Variants in KCNB2 observed in about 807,000 individuals in gnomAD.
KCNB2 encodes the protein potassium voltage-gated channel subfamily B member 2.
A neutral mutation model predicts 61.5 loss-of-function variants in KCNB2; 15 were observed. The ratio of observed to expected loss-of-function variants is 0.24; its 90% confidence interval spans 0.16 to 0.38. The LOEUF (loss-of-function observed/expected upper bound fraction) is 0.38. KCNB2 is among the 10% of genes least tolerant of loss of function. The probability of loss-of-function intolerance (pLI) is 1.00; values close to 1 mark genes in which losing one functional copy is unlikely to be tolerated. For missense variants in KCNB2, 828 were observed against 1,125.2 expected (o/e 0.74, Z 3.78); for synonymous variants, 457 against 446.0 (o/e 1.02, Z -0.31).
intron 2 of KCNB2, among the ~76,000 whole-genome samples, chr8:72,682,998 G>T (rs1373231570): frequency 6.6e-6 from 1 of 152,158 alleles, no homozygotes; most frequent in East Asian, 1.9e-4. Flanking sequence ...AAGTTGTTTT[G>T]TGTTCTTGTT....
chr8:72,730,337 T>C (rs1225735265), intron 2 of KCNB2, among the ~76,000 whole-genome samples: 1 of 152,224 alleles, frequency 6.6e-6, no homozygotes, highest in Admixed American at 6.5e-5. Context: ...CCTGGATATC[T>C]AAAAGAGCCT....
At position 72,653,648 on chromosome 8, in the gene KCNB2, T is replaced by G. The variant is rs144519310; in HGVS notation, c.579+85335T>G. On this transcript the variant is annotated intron_variant, in intron 2 of 2. Coordinates refer to ENST00000523207, the MANE Select transcript of KCNB2 (RefSeq NM_004770.3). ...GACCTGCCGCTTGTTTCTATGAAGT[T>G]TGATTGGAGTACAGCCAAGCCCATA... Among the ~76,000 whole-genome samples the G allele has an allele frequency of 7.6e-3, 1,155 of 152,244 alleles. 8 individuals carry two copies. The highest frequency in any genetic ancestry group is 0.011 in the Non-Finnish European group (741 of 68,008).
At chr8:72,585,166 T>G (rs1429194320) in intron 2 of KCNB2, among the ~76,000 whole-genome samples, 1 of 152,036 alleles carries the variant, frequency 6.6e-6, no homozygotes, top group Non-Finnish European at 1.5e-5. Context: ...AATAAGGGGT[T>G]TTTTTTTGTT....
chr8:72,827,279 G>A (rs982178334), intron 2 of KCNB2, among the ~76,000 whole-genome samples: 1 of 152,078 alleles, frequency 6.6e-6, no homozygotes, highest in Admixed American at 6.6e-5. Context: ...AAGTCAATAT[G>A]ACATTGAGAT....
chr8:72,836,964 G>A (rs1404412141), intron 2 of KCNB2, among the ~76,000 whole-genome samples: 2 of 152,080 alleles, frequency 1.3e-5, no homozygotes, highest in South Asian at 2.1e-4. Context: ...TTTTGTGCAG[G>A]TACTTCAAAT....
At chr8:72,678,267 A>G (rs1315056116) in intron 2 of KCNB2, among the ~76,000 whole-genome samples, 1 of 152,204 alleles carries the variant, frequency 6.6e-6, no homozygotes, top group Non-Finnish European at 1.5e-5. Context: ...TGCATTAATA[A>G]TTTCCCTGTA....
intron 2 of KCNB2, among the ~76,000 whole-genome samples, chr8:72,917,007 A>G (rs2129007907): frequency 6.6e-6 from 1 of 152,274 alleles, no homozygotes; most frequent in East Asian, 1.9e-4. Flanking sequence ...GAAAACAGGG[A>G]TGGAATTTAT....
intron 2 of KCNB2, among the ~76,000 whole-genome samples, chr8:72,621,919 A>C (rs542468215): frequency 3.3e-5 from 5 of 152,330 alleles, no homozygotes; most frequent in Admixed American, 2.6e-4. Context: ...AACCTCAAGC[A>C]TAGGCAACAT....
intron 2 of KCNB2, among the ~76,000 whole-genome samples, chr8:72,670,256 C>T (rs1311342626): frequency 1.3e-5 from 2 of 152,192 alleles, no homozygotes; most frequent in Non-Finnish European, 2.9e-5. Context: ...GTGGTCACTG[C>T]TTTTAGAGAT....
intron 1 of KCNB2, among the ~76,000 whole-genome samples, chr8:72,565,758 C>G (rs778567422): frequency 6.6e-6 from 1 of 152,070 alleles, no homozygotes; most frequent in African/African-American, 2.4e-5. Context: ...ATCCCAATAA[C>G]TCCATTTTTG....
At chr8:72,555,643 AT>A (rs71267907) in intron 1 of KCNB2, among the ~76,000 whole-genome samples, 15,922 of 149,470 alleles carry the variant, frequency 0.11, 1,055 homozygotes, top group Non-Finnish European at 0.15. Context: ...TTAAAGAAGA[AT>A]TTTTTTTTTG....
chr8:72,882,412 G>A (rs563625033), intron 2 of KCNB2, among the ~76,000 whole-genome samples: 3 of 152,148 alleles, frequency 2.0e-5, no homozygotes, highest in South Asian at 4.2e-4. Context: ...TTCATCACGC[G>A]GTGAGTGCCA....
intron 2 of KCNB2, among the ~76,000 whole-genome samples, chr8:72,854,371 T>C (rs531886163): frequency 6.6e-6 from 1 of 152,352 alleles, no homozygotes; most frequent in Admixed American, 6.5e-5. Context: ...TAGCTTTTGA[T>C]GTTCGTTTTT....
intron 2 of KCNB2, among the ~76,000 whole-genome samples, chr8:72,846,041 C>T (rs1291856228): frequency 6.6e-6 from 1 of 152,060 alleles, no homozygotes; most frequent in African/African-American, 2.4e-5. Context: ...ATCAGCCGCC[C>T]AGTTTTGTGC....
intron 2 of KCNB2, among the ~76,000 whole-genome samples, chr8:72,679,245 C>T (rs554205208): frequency 7.9e-5 from 12 of 152,268 alleles, no homozygotes; most frequent in South Asian, 4.2e-4. Context: ...AAGCAGTAAA[C>T]GCAACATCCA....
intron 2 of KCNB2, among the ~76,000 whole-genome samples, chr8:72,755,368 TG>T (rs1808272228): frequency 6.6e-6 from 1 of 152,186 alleles, no homozygotes; most frequent in Non-Finnish European, 1.5e-5. Flanking sequence ...CTTCATTAAC[TG>T]GAACAAATGT....
chr8:72,837,076 G>A (rs1809795114), intron 2 of KCNB2, among the ~76,000 whole-genome samples: 1 of 152,176 alleles, frequency 6.6e-6, no homozygotes, highest in Non-Finnish European at 1.5e-5. Flanking sequence ...ATGTGTTTAA[G>A]CCCTACTTTT....
chr8:72,702,043 C>A (rs1408055171), intron 2 of KCNB2, among the ~76,000 whole-genome samples: 1 of 152,060 alleles, frequency 6.6e-6, no homozygotes, highest in Admixed American at 6.6e-5. Flanking sequence ...CAATGATTAT[C>A]TTAACTTAGG....
At chr8:72,617,070 G>A (rs1261204968) in intron 2 of KCNB2, among the ~76,000 whole-genome samples, 2 of 152,224 alleles carry the variant, frequency 1.3e-5, no homozygotes, top group Non-Finnish European at 2.9e-5. Context: ...CAGTGAAATA[G>A]TGACTGAATA....
Sources: allele counts gnomAD v4.1 joint callset (sites outside exome capture counted in the v4.1 genomes callset), GRCh38; gene constraint gnomAD v4.1.1; transcripts MANE v1.5; gene names NCBI Gene and HGNC (gene_info 2026-07-23, HGNC 2026-07-21).